The following LDLRAD4 variants were observed in gnomAD, a reference collection of about 807,000 sequenced individuals.
LDLRAD4 encodes the protein low-density lipoprotein receptor class A domain-containing protein 4.
LDLRAD4 carries 5 observed loss-of-function variants against 17.0 expected under a neutral mutation model. The observed-to-expected ratio is 0.29, with a 90% CI of 0.15 to 0.62. LDLRAD4 has a LOEUF of 0.62. LDLRAD4 is among the 20% of genes least tolerant of loss of function. The pLI, the probability that LDLRAD4 is intolerant of heterozygous loss-of-function variation, is 0.84. For missense variants in LDLRAD4, 340 were observed against 424.7 expected, an observed-to-expected ratio of 0.80 and a Z score of 1.75; for synonymous variants, 168 against 171.8, an observed-to-expected ratio of 0.98 and a Z score of 0.17.
chr18:13,468,104 A>G (rs1484969086), intron 3 of LDLRAD4, among the ~76,000 whole-genome samples: 1 of 151,508 alleles, frequency 6.6e-6, no homozygotes, highest in Non-Finnish European at 1.5e-5. Flanking sequence ...ATAACACCCA[A>G]AGTATGAACA....
At chr18:13,400,421 G>A (rs1161860310) in intron 2 of LDLRAD4, among the ~76,000 whole-genome samples, 1 of 152,190 alleles carries the variant, frequency 6.6e-6, no homozygotes, top group African/African-American at 2.4e-5. Flanking sequence ...CAGAGTCCAG[G>A]GGTGAGGGTA....
chr18:13,373,798 C>T (rs1048612145), intron 1 of LDLRAD4, among the ~76,000 whole-genome samples: 18 of 152,232 alleles, frequency 1.2e-4, no homozygotes, highest in Admixed American at 1.2e-3. Context: ...TTAGCTGAAA[C>T]GTGGAGTATA....
intron 1 of LDLRAD4, among the ~76,000 whole-genome samples, chr18:13,243,271 C>A (rs2042759863): frequency 6.6e-6 from 1 of 152,224 alleles, no homozygotes; most frequent in African/African-American, 2.4e-5. Context: ...TCTTCCACTT[C>A]CAGCTCTTAG....
intron 3 of LDLRAD4, among the ~76,000 whole-genome samples, chr18:13,616,869 C>T (rs2040132952): frequency 6.6e-6 from 1 of 152,182 alleles, no homozygotes; most frequent in Non-Finnish European, 1.5e-5. Flanking sequence ...AGCCTCTGAG[C>T]ATGCCCATGA....
At chr18:13,448,667 C>T (rs1042793227) in intron 3 of LDLRAD4, among the ~76,000 whole-genome samples, 13 of 151,824 alleles carry the variant, frequency 8.6e-5, no homozygotes, top group Admixed American at 5.2e-4. Flanking sequence ...GGGGGACCAC[C>T]GATAAGGCGG....
At chr18:13,534,602 A>G (rs2147866013) in intron 3 of LDLRAD4, among the ~76,000 whole-genome samples, 1 of 152,258 alleles carries the variant, frequency 6.6e-6, no homozygotes, top group East Asian at 1.9e-4. Context: ...GAGAGGCTGC[A>G]TTTGTCTGGT....
At chr18:13,467,538 G>C (rs2092656109) in intron 3 of LDLRAD4, among the ~76,000 whole-genome samples, 1 of 152,212 alleles carries the variant, frequency 6.6e-6, no homozygotes, top group African/African-American at 2.4e-5. Flanking sequence ...TCATGGGTAA[G>C]AAGACTTAGT....
chr18:13,285,040 G>A (rs1268268167), intron 1 of LDLRAD4, among the ~76,000 whole-genome samples: 1 of 152,212 alleles, frequency 6.6e-6, no homozygotes, highest in Non-Finnish European at 1.5e-5. Context: ...GGCGTGGGCT[G>A]CCCTTTCAAA....
chr18:13,532,758 T>A (rs1027926494), intron 3 of LDLRAD4, among the ~76,000 whole-genome samples: 7 of 152,202 alleles, frequency 4.6e-5, no homozygotes, highest in African/African-American at 1.7e-4. Flanking sequence ...GCAGTGGCGC[T>A]TGTGAAATAG....
intron 3 of LDLRAD4, among the ~76,000 whole-genome samples, chr18:13,542,092 T>C (rs1250256493): frequency 6.6e-6 from 1 of 152,100 alleles, no homozygotes; most frequent in Non-Finnish European, 1.5e-5. Context: ...AGGAAAAAGG[T>C]CACTCTCTAC....
At chr18:13,338,689 T>G (rs1261326718) in intron 1 of LDLRAD4, among the ~76,000 whole-genome samples, 1 of 152,238 alleles carries the variant, frequency 6.6e-6, no homozygotes, top group Non-Finnish European at 1.5e-5. Context: ...TAAGGCTTAC[T>G]TCTTGACACT....
chr18:13,542,559 C>T (rs553863382), intron 3 of LDLRAD4: 2 of 152,398 alleles, frequency 1.3e-5, no homozygotes, highest in South Asian at 4.1e-4. Context: ...GTCGCCCTCT[C>T]TATGTGTCAG....
intron 2 of LDLRAD4, among the ~76,000 whole-genome samples, chr18:13,414,587 CT>C: frequency 6.6e-6 from 1 of 152,354 alleles, no homozygotes; most frequent in East Asian, 1.9e-4. Context: ...TTCTTTCTTA[CT>C]TTTGCATTTC....
Position 13,623,262 on chromosome 18 carries a change from C to G in LDLRAD4, c.336+1991C>G, listed in dbSNP as rs544934579. 1.7e-3 allele frequency among the ~76,000 whole-genome samples: 253 copies of G among 152,328 alleles called. 1 individual carries two copies. The highest frequency in any genetic ancestry group is 9.5e-3 in the South Asian group (46 of 4,824). ...CCCTGAAATCAGGAAGGTGACAGAG[C>G]GATGTTCAGAGGTCCCTTCAGGGCT... On this transcript the variant is annotated intron_variant, in intron 4 of 5. Coordinates refer to ENST00000359446, the Ensembl canonical transcript of LDLRAD4.
intron 3 of LDLRAD4, among the ~76,000 whole-genome samples, chr18:13,525,889 C>A (rs949040830): frequency 6.6e-6 from 1 of 152,234 alleles, no homozygotes; most frequent in Non-Finnish European, 1.5e-5. Context: ...CTCACCACCC[C>A]CTTTATCACT....
chr18:13,532,524 T>C (rs1446015750), intron 3 of LDLRAD4, among the ~76,000 whole-genome samples: 1 of 151,850 alleles, frequency 6.6e-6, no homozygotes, highest in African/African-American at 2.4e-5. Flanking sequence ...TTTCCTAAAG[T>C]GGGAGGGAGG....
intron 3 of LDLRAD4, among the ~76,000 whole-genome samples, chr18:13,601,393 A>G (rs747738392): frequency 6.6e-6 from 1 of 152,192 alleles, no homozygotes; most frequent in African/African-American, 2.4e-5. Flanking sequence ...ATCACTAACC[A>G]TAAGAGAAAT....
intron 1 of LDLRAD4, among the ~76,000 whole-genome samples, chr18:13,294,161 G>T (rs1311905945): frequency 1.3e-5 from 2 of 152,226 alleles, no homozygotes; most frequent in Admixed American, 6.5e-5. Context: ...GGAACACTGC[G>T]CATAAATGGG....
chr18:13,364,030 G>A (rs187616242), intron 1 of LDLRAD4, among the ~76,000 whole-genome samples: 1 of 152,286 alleles, frequency 6.6e-6, no homozygotes, highest in East Asian at 1.9e-4. Context: ...GAAGTATACT[G>A]AGGCCATAGA....
Sources: allele counts gnomAD v4.1 joint callset (sites outside exome capture counted in the v4.1 genomes callset), GRCh38; gene constraint gnomAD v4.1.1; transcripts MANE v1.5; gene names NCBI Gene and HGNC (gene_info 2026-07-23, HGNC 2026-07-21).